NRN1: variants seen among roughly 807,000 people sequenced by gnomAD.
NRN1 encodes the protein neuritin.
Under a neutral mutation model 15.0 loss-of-function variants are expected in NRN1, and 4 were observed. The ratio of observed to expected loss-of-function variants is 0.27; its 90% CI spans 0.13 to 0.61. The LOEUF (loss-of-function observed/expected upper bound fraction) is 0.61, where lower values mean the gene tolerates loss of function less well. NRN1 is among the 20% of genes least tolerant of loss of function. The pLI, the probability that NRN1 is intolerant of heterozygous loss-of-function variation, is 0.87. For missense variants in NRN1, 134 were observed against 181.9 expected, an observed-to-expected ratio of 0.74 and a Z score of 1.51; for synonymous variants, 85 against 79.8, an observed-to-expected ratio of 1.07 and a Z score of -0.35.
At chr6:6,006,623 C>A in intron 1 of NRN1, 72 bp downstream of exon 1, 3 of 1,472,394 alleles carry the variant, frequency 2.0e-6, no homozygotes, top group Non-Finnish European at 2.8e-6. Flanking sequence ...CCCGCTAGTC[C>A]CCCTCCGCGC....
chr6:6,006,545 T>A, intron 1 of NRN1, 150 bp downstream of exon 1: 1 of 686,688 alleles, frequency 1.5e-6, no homozygotes, highest in Non-Finnish European at 2.6e-6. Context: ...GACGCGCTAG[T>A]CCCCAGGAAC....
At chr6:6,004,450 T>A in intron 1 of NRN1, among the ~76,000 whole-genome samples, 1 of 152,210 alleles carries the variant, frequency 6.6e-6, no homozygotes, top group East Asian at 1.9e-4. Context: ...CAAAACTCAG[T>A]GGCGAAAGAA....
intron 1 of NRN1, chr6:6,003,991 G>C (rs1487032040): frequency 6.6e-6 from 8 of 1,215,066 alleles, no homozygotes; most frequent in Admixed American, 8.6e-5. Flanking sequence ...CAACGCGGGC[G>C]CCTGTCCGCG....
At chr6:5,999,509 C>T (rs552147796) in intron 2 of NRN1, among the ~76,000 whole-genome samples, 1 of 152,380 alleles carries the variant, frequency 6.6e-6, no homozygotes, top group South Asian at 2.1e-4. Context: ...CCCGCTGTGG[C>T]GCGCTGGCAC....
Position 6,006,605 on chromosome 6 carries a change from G to T in NRN1, c.55+90C>A, listed in dbSNP as rs549100201. On this transcript the variant is annotated intron_variant, in intron 1 of 2. Transcript: ENST00000244766. Reference sequence around the variant, plus strand: ...GCCGGCTTCTCCGCACCCTGGGGCGGCCGCGGACCCGCTAGTCCCCCTCCG... The same window carrying T: ...GCCGGCTTCTCCGCACCCTGGGGCGTCCGCGGACCCGCTAGTCCCCCTCCG... The T allele has an allele frequency of 8.0e-4, 1,026 of 1,288,232 alleles. 16 individuals carry two copies. The South Asian group carries it at 0.011, about 14-fold the overall frequency. The allele number at this position is 1,288,232 out of a possible 1,614,324, so 79.8% of individuals were successfully genotyped here. A position where few individuals can be genotyped will look rare whatever the true frequency, so the allele number is the denominator to read the frequency against.
At chr6:6,003,365 C>G in intron 1 of NRN1, 1 of 675,888 alleles carries the variant, frequency 1.5e-6, no homozygotes, top group Non-Finnish European at 2.1e-6. Context: ...CCTCGGGCCT[C>G]TTTCTCTCCT....
rs1281380308 is a variant in NRN1, at chr6:6,006,706, G to A, written c.44C>T (p.Ala15Val). The A allele has an allele frequency of 6.2e-7, 1 of 1,614,024 alleles. No homozygotes were observed. Among genetic ancestry groups the A allele is most frequent in the Admixed American group, 1.7e-5 (1 of 60,028 alleles). The stretch of plus-strand genomic sequence containing the variant: ...GAGCGGCCACTTACCTATTTGCACC[G>A]CGAGGATCAGTGAAATATATCTGCC... Reference protein sequence around the residue: ...LNGRYISLILAVQIAYLVQAV... With the variant: ...LNGRYISLILVVQIAYLVQAV... Residue 15 changes from alanine (A) to valine (V), a missense_variant, in exon 1 of 3, where the codon GCG becomes GTG. Transcript: ENST00000244766.
intron 2 of NRN1, 76 bp from the exon 3 acceptor site, chr6:5,999,280 C>A: frequency 1.5e-6 from 2 of 1,311,776 alleles, no homozygotes; most frequent in Non-Finnish European, 1.1e-6. Context: ...TGCGCCCCTG[C>A]GCCTCCCCGC....
intron 2 of NRN1, among the ~76,000 whole-genome samples, chr6:6,001,041 T>C (rs1256286763): frequency 6.6e-6 from 1 of 152,232 alleles, no homozygotes; most frequent in Non-Finnish European, 1.5e-5. Flanking sequence ...CTTATAGATA[T>C]ACATTCTTAT....
rs1030878422 is a variant in NRN1 at position 6,002,228 on chromosome 6, C to T, written c.200+125G>A. Reference sequence around the variant, plus strand: ...AGGCCTGGGGGTTGGAGCCAGAAGGCAAGAGTGAGCCGATGCGGATTCGCG... The same window carrying T: ...AGGCCTGGGGGTTGGAGCCAGAAGGTAAGAGTGAGCCGATGCGGATTCGCG... On this transcript the variant is annotated intron_variant, in intron 2 of 2. Transcript: ENST00000244766. The T allele has an allele frequency of 8.6e-6, 11 of 1,272,788 alleles. No individual in the cohort carries two copies. In the African/African-American group the frequency reaches 1.6e-4, roughly 19 times the overall value. 78.8% of individuals were successfully genotyped at this position (1,272,788 alleles called of 1,614,324 possible).
At position 6,003,767 on chromosome 6, in the gene NRN1, G is replaced by A. The variant is rs943822686; in HGVS notation, c.56-1270C>T. ...CTGAGGCCGACGAACCCGGCTGGAA[G>A]CTGAGTGCCTAGCGGCCCAAAGCAG... On this transcript the variant is annotated intron_variant, in intron 1 of 2. Coordinates refer to ENST00000244766, the MANE Select transcript of NRN1 (RefSeq NM_016588.3). 3 of 1,234,140 alleles carry A rather than the reference G, an allele frequency of 2.4e-6. No individual in the cohort carries two copies. In the African/African-American group the frequency reaches 4.7e-5, roughly 19 times the overall value. The allele number at this position is 1,234,140 out of a possible 1,614,324, so 76.4% of individuals were successfully genotyped here.
At chr6:6,003,992 C>T in intron 1 of NRN1, 1 of 1,215,484 alleles carries the variant, frequency 8.2e-7, no homozygotes. Context: ...AACGCGGGCG[C>T]CTGTCCGCGA....
chr6:5,999,014 A>G lies in NRN1; in HGVS notation c.391T>C (p.Ser131Pro). Residue 131 changes from serine to proline, a missense_variant, in exon 3 of 3, where the codon TCT becomes CCT. Physicochemically the swap from Ser to Pro is moderately conservative, Grantham distance 74. Transcript: ENST00000244766. ...LLPAFPVLLV[S>P]LSAALATWLS... ...CAGGTCGCTAAAGCTGCCGAGAGAG[A>G]CACCAGGAGCACCGGGAACGCCGGG... 6.2e-7 allele frequency: 1 copy of G among 1,613,352 alleles called. No individual in the cohort carries two copies. The highest frequency in any genetic ancestry group is 2.2e-5 in the East Asian group (1 of 44,866).
At chr6:6,003,252 C>G in intron 1 of NRN1, 1 of 1,234,582 alleles carries the variant, frequency 8.1e-7, no homozygotes, top group Non-Finnish European at 1.0e-6. Context: ...CGTCCTGAGA[C>G]CTGGCGCGGA....
chr6:6,002,265 C>A (rs1163214163), intron 2 of NRN1, 88 bp downstream of exon 2: 1 of 1,505,018 alleles, frequency 6.6e-7, no homozygotes, highest in East Asian at 2.3e-5. Flanking sequence ...TGGCGCTGAA[C>A]GCTGAGCGCA....
At chr6:6,003,912 G>T in intron 1 of NRN1, 1 of 1,229,674 alleles carries the variant, frequency 8.1e-7, no homozygotes, top group Non-Finnish European at 1.0e-6. Context: ...GTCCTCGGCA[G>T]CTTTCTGGCG....
At chr6:6,007,139 AT>A (rs1758131778), upstream of NRN1, among the ~76,000 whole-genome samples, 1 of 152,064 alleles carries the variant, frequency 6.6e-6, no homozygotes, top group African/African-American at 2.4e-5. Context: ...TTAATCAGAT[AT>A]CTCCAATTAA....
chr6:5,999,322 C>A, intron 2 of NRN1, 118 bp from the exon 3 acceptor site: 1 of 799,074 alleles, frequency 1.3e-6, no homozygotes, highest in South Asian at 1.6e-5. Context: ...GGGGTGTCCC[C>A]TCCCTACCTT....
intron 2 of NRN1, 57 bp from the exon 3 acceptor site, chr6:5,999,261 C>T (rs1026743054): frequency 4.2e-5 from 62 of 1,488,738 alleles, no homozygotes; most frequent in Middle Eastern, 1.9e-4. Flanking sequence ...GCCGGGAACA[C>T]CCCGGGCTTG....
Sources: allele counts gnomAD v4.1 joint callset (sites outside exome capture counted in the v4.1 genomes callset), GRCh38; gene constraint gnomAD v4.1.1; transcripts MANE v1.5; gene names NCBI Gene and HGNC (gene_info 2026-07-23, HGNC 2026-07-21).